The following PIBF1 variants were observed in gnomAD, a reference collection of about 807,000 sequenced individuals.
PIBF1 encodes the protein progesterone-induced-blocking factor 1.
PIBF1 carries 90 observed loss-of-function variants against 112.5 expected under a neutral mutation model. That is an observed-to-expected ratio of 0.80 (90% CI 0.67 to 0.95). The LOEUF is 0.95. Ranked by LOEUF, PIBF1 falls within the 40% of genes least tolerant of loss-of-function variation. PIBF1 has a pLI of 0.00. For missense variants in PIBF1, 915 were observed against 852.3 expected (o/e 1.07, Z -0.92); for synonymous variants, 301 against 288.6 (o/e 1.04, Z -0.44).
intron 14 of PIBF1, among the ~76,000 whole-genome samples, chr13:72,942,711 C>T (rs2042046141): frequency 6.6e-6 from 1 of 152,038 alleles, no homozygotes; most frequent in South Asian, 2.1e-4. Context: ...ATTAAAAATC[C>T]TTTAGTAGGC....
chr13:72,807,960 T>G (rs929027056), intron 5 of PIBF1, among the ~76,000 whole-genome samples: 1 of 152,210 alleles, frequency 6.6e-6, no homozygotes, highest in African/African-American at 2.4e-5. Context: ...CCAGTCACAT[T>G]TAATTTTATG....
At chr13:72,790,941 T>C (rs575990487) in intron 2 of PIBF1, among the ~76,000 whole-genome samples, 129 of 152,278 alleles carry the variant, frequency 8.5e-4, no homozygotes, top group African/African-American at 3.0e-3. Flanking sequence ...ACCATTTGCT[T>C]GATGATAGAA....
At chr13:72,948,599 A>G (rs2042211609) in intron 14 of PIBF1, among the ~76,000 whole-genome samples, 2 of 152,180 alleles carry the variant, frequency 1.3e-5, no homozygotes, top group Non-Finnish European at 2.9e-5. Context: ...TCAGTGCCCC[A>G]CTACCCAGTA....
At chr13:72,816,490 C>T (rs1477651733) in intron 5 of PIBF1, among the ~76,000 whole-genome samples, 1 of 151,930 alleles carries the variant, frequency 6.6e-6, no homozygotes, top group African/African-American at 2.4e-5. Flanking sequence ...TGGCAAAACC[C>T]TTTCTCTACT....
chr13:72,927,945 G>GTATATATATATA (rs774258929), intron 13 of PIBF1, among the ~76,000 whole-genome samples: 7 of 87,852 alleles, frequency 8.0e-5, no homozygotes, highest in African/African-American at 4.0e-4. Context: ...ATATATGTGT[G>GTATATATATATA]TATATATATA....
chr13:72,930,047 GC>G (rs929778993), intron 13 of PIBF1, among the ~76,000 whole-genome samples: 16 of 151,870 alleles, frequency 1.1e-4, no homozygotes, highest in Non-Finnish European at 2.1e-4. Flanking sequence ...TTTTGCAGAG[GC>G]AGGGTCTCAC....
chr13:72,807,173 A>C (rs562785225), intron 5 of PIBF1, among the ~76,000 whole-genome samples: 1 of 93,648 alleles, frequency 1.1e-5, no homozygotes, highest in Non-Finnish European at 2.7e-5. Flanking sequence ...GTGAAGGATA[A>C]GAGCCAAAAA....
intron 2 of PIBF1, among the ~76,000 whole-genome samples, chr13:72,790,982 G>T (rs746550204): frequency 6.6e-6 from 1 of 152,146 alleles, no homozygotes; most frequent in Non-Finnish European, 1.5e-5. Context: ...ACTTGACGAT[G>T]CAAGAGGAGG....
At chr13:73,002,568 T>A (rs2043905300) in intron 17 of PIBF1, among the ~76,000 whole-genome samples, 1 of 152,182 alleles carries the variant, frequency 6.6e-6, no homozygotes, top group Non-Finnish European at 1.5e-5. Context: ...GCCATCCTAT[T>A]CGAAAATAGA....
intron 5 of PIBF1, among the ~76,000 whole-genome samples, chr13:72,803,160 G>C (rs576074554): frequency 6.6e-6 from 1 of 152,208 alleles, no homozygotes; most frequent in African/African-American, 2.4e-5. Flanking sequence ...AACTCTTTCT[G>C]AGTAATACTA....
intron 10 of PIBF1, among the ~76,000 whole-genome samples, chr13:72,870,450 G>T (rs2039116273): frequency 6.6e-6 from 1 of 152,124 alleles, no homozygotes; most frequent in Non-Finnish European, 1.5e-5. Flanking sequence ...CTCTTTGTTG[G>T]AGTATGGACT....
chr13:72,870,957 G>A (rs1425680868), intron 10 of PIBF1, among the ~76,000 whole-genome samples: 1 of 152,146 alleles, frequency 6.6e-6, no homozygotes, highest in East Asian at 1.9e-4. Context: ...TCAGTGTGCA[G>A]TGAGGGCTGA....
chr13:72,992,949 G>A (rs1240886664), intron 16 of PIBF1, among the ~76,000 whole-genome samples: 3 of 152,126 alleles, frequency 2.0e-5, no homozygotes, highest in African/African-American at 7.2e-5. Flanking sequence ...GATAAACTGG[G>A]GGAAAAACAA....
rs1422806640 is a variant in PIBF1, at chr13:72,893,852, C to A, written c.1391C>A (p.Ser464Tyr). 1 of 1,604,654 alleles carries A rather than the reference C, an allele frequency of 6.2e-7. No individual in the cohort carries two copies. ...TEFLHQSKLK[S>Y]FESERVQLLQ... is the part of the protein sequence containing the mutation. ...TTTCTCCATCAAAGTAAATTAAAAT[C>A]TTTTGAAAGTGAGCGTGTTCAACTT... The change falls in exon 11 of 18, where the codon TCT (serine) becomes TAT (tyrosine). Residue 464 changes from serine to tyrosine, a missense_variant. By Grantham distance (144) the Ser-to-Tyr change is moderately radical. Transcript: ENST00000326291.
chr13:72,883,409 T>C (rs1028960207), intron 10 of PIBF1, among the ~76,000 whole-genome samples: 5 of 152,164 alleles, frequency 3.3e-5, no homozygotes, highest in Non-Finnish European at 5.9e-5. Flanking sequence ...AAGATTTATT[T>C]GGAAGCACAA....
At position 72,797,939 on chromosome 13, in the gene PIBF1, A is replaced by G. The variant is rs145932150; in HGVS notation, c.585A>G (p.Arg195=). 12 of 1,607,560 alleles carry G rather than the reference A, an allele frequency of 7.5e-6. No individual in the cohort carries two copies. The African/African-American group carries it at 1.6e-4, about 22-fold the overall frequency. The part of the protein sequence containing the change: ...VRFYELVNPL[R]KEICELQVKK... ...TCTATGAGCTAGTGAATCCATTAAG[A>G]AAGGAAATCTGTGAACTACAAGTGA... Residue 195 remains arginine (R), a synonymous_variant, in exon 5 of 18, where the codon AGA becomes AGG. Coordinates refer to ENST00000326291, the MANE Select transcript of PIBF1 (RefSeq NM_006346.4).
chr13:72,926,690 AC>A (rs2138738482), intron 13 of PIBF1, among the ~76,000 whole-genome samples: 1 of 152,250 alleles, frequency 6.6e-6, no homozygotes, highest in Admixed American at 6.5e-5. Flanking sequence ...ATTGATCTAT[AC>A]TCTACTACTT....
chr13:72,968,493 G>A (rs1594289021), intron 15 of PIBF1, among the ~76,000 whole-genome samples: 1 of 151,516 alleles, frequency 6.6e-6, no homozygotes, highest in East Asian at 2.0e-4. Context: ...TAAAGATGAG[G>A]TTTCACCCTG....
chr13:72,942,619 A>G (rs910022276), intron 14 of PIBF1, among the ~76,000 whole-genome samples: 1 of 152,212 alleles, frequency 6.6e-6, no homozygotes, highest in African/African-American at 2.4e-5. Flanking sequence ...TATAAGATGT[A>G]TGCTATTTTC....
Sources: gnomAD v4.1 joint callset for allele counts (sites outside exome capture counted in the v4.1 genomes callset) on GRCh38, gnomAD v4.1.1 for gene constraint, MANE v1.5 for transcripts, NCBI Gene and HGNC (gene_info 2026-07-23, HGNC 2026-07-21) for gene names.